NSA2: variants seen among roughly 807,000 people sequenced by gnomAD.
NSA2 encodes the protein NSA2 ribosome biogenesis factor.
In NSA2, 18 loss-of-function variants were observed where a neutral mutation model predicts 34.8. The observed-to-expected ratio is 0.52, with a 90% CI of 0.36 to 0.77. The LOEUF is 0.77. Among genes scored for constraint, NSA2 ranks in the 30% least tolerant of loss-of-function variants. NSA2 has a pLI of 0.00. For synonymous variants in NSA2, 79 were observed against 100.2 expected, an observed-to-expected ratio of 0.79 and a Z score of 1.26; for missense variants, 188 against 314.7, an observed-to-expected ratio of 0.60 and a Z score of 3.05.
chr5:74,779,429 A>G lies in NSA2; in HGVS notation c.*2758A>G, dbSNP rs569177699. 6.6e-5 allele frequency: 10 copies of G among 152,308 alleles called. No individual in the cohort carries two copies. Among genetic ancestry groups the G allele is most frequent in the African/African-American group, 2.4e-4 (10 of 41,584 alleles). 9.4% of individuals were successfully genotyped at this position (152,308 alleles called of 1,614,324 possible). A position where few individuals can be genotyped will look rare whatever the true frequency, so the allele number is the denominator to read the frequency against. ...TCCATGTTTAAAATAATTTGAAAAG[A>G]AAGTATTTTAAACAAATCCAAGTAA... On this transcript the variant is annotated 3_prime_UTR_variant, in exon 6 of 6. Coordinates refer to ENST00000610426, the MANE Select transcript of NSA2 (RefSeq NM_014886.6).
intron 5 of NSA2, 51 bp from the exon 6 acceptor site, chr5:74,776,553 T>C: frequency 2.2e-6 from 2 of 910,146 alleles, no homozygotes; most frequent in Non-Finnish European, 3.6e-6. Flanking sequence ...AAATTAATTT[T>C]TATTAGCTAA....
chr5:74,771,719 T>G (rs1407339380), intron 4 of NSA2: 1 of 150,642 alleles, frequency 6.6e-6, no homozygotes, highest in Non-Finnish European at 1.5e-5. Flanking sequence ...CCGGGCATGG[T>G]GGCGGGCGCC....
chr5:74,774,080 C>G lies in NSA2; in HGVS notation c.715+20C>G. 5 of 1,571,532 alleles carry G rather than the reference C, an allele frequency of 3.2e-6. No homozygotes were observed. Among genetic ancestry groups the G allele is most frequent in the Non-Finnish European group, 4.4e-6 (5 of 1,143,148 alleles). On this transcript the variant is annotated intron_variant, in intron 5 of 5. Coordinates refer to ENST00000610426, the MANE Select transcript of NSA2 (RefSeq NM_014886.6). The stretch of plus-strand genomic sequence containing the variant: ...TTTGGGGTAAGTGAATTTTTGAATA[C>G]AGGGCTGCTGTGTTCTGCAGTACTA...
Position 74,773,909 on chromosome 5 carries a change from G to GA in NSA2, c.567dup (p.Ala190SerfsTer32), listed in dbSNP as rs1745027111. ...AAGCCCATGTAACACATCCTGAACTGAAAGCCACCTTTTGCCTACCAATAC... is the reference window on the plus strand; with the variant it reads ...AAGCCCATGTAACACATCCTGAACTGAAAAGCCACCTTTTGCCTACCAATAC... On this transcript the variant is annotated frameshift_variant, in exon 5 of 6. Coordinates refer to ENST00000610426, the MANE Select transcript of NSA2 (RefSeq NM_014886.6). LOFTEE classifies it high-confidence loss of function. The GA allele has an allele frequency of 6.2e-7, 1 of 1,613,898 alleles. No homozygotes were observed. The highest frequency in any genetic ancestry group is 8.5e-7 in the Non-Finnish European group (1 of 1,179,826).
At chr5:74,772,340 A>G (rs1744969998) in intron 4 of NSA2, among the ~76,000 whole-genome samples, 1 of 152,010 alleles carries the variant, frequency 6.6e-6, no homozygotes, top group Admixed American at 6.6e-5. Flanking sequence ...GTTAGCCAGG[A>G]TGGTCTCGAT....
intron 5 of NSA2, among the ~76,000 whole-genome samples, 196 bp downstream of exon 5, chr5:74,774,256 A>G (rs1396834605): frequency 6.6e-6 from 1 of 152,266 alleles, no homozygotes; most frequent in Non-Finnish European, 1.5e-5. Context: ...TTTAAAATTT[A>G]GCTTACTGGT....
At position 74,769,096 on chromosome 5, in the gene NSA2, G is replaced by A. The variant is rs1008913045; in HGVS notation, c.169G>A (p.Glu57Lys). Reference protein sequence around the residue: ...AKLYHKQRHAEKIQMKKTIKM... With the variant: ...AKLYHKQRHAKKIQMKKTIKM... ...GCTTTACCATAAACAGCGTCATGCTGAGAAAATACAAATGAAAAAGACGTA... is the reference window on the plus strand; with the variant it reads ...GCTTTACCATAAACAGCGTCATGCTAAGAAAATACAAATGAAAAAGACGTA... The change falls in exon 2 of 6, where the codon GAG (glutamate) becomes AAG (lysine). Residue 57 changes from glutamate (E) to lysine (K), a missense_variant. By Grantham distance (56) the Glu-to-Lys change is moderately conservative (BLOSUM62 1). Transcript: ENST00000610426. The A allele has an allele frequency of 6.2e-7, 1 of 1,604,198 alleles. No homozygotes were observed. Among genetic ancestry groups the A allele is most frequent in the Non-Finnish European group, 8.5e-7 (1 of 1,177,792 alleles).
chr5:74,777,789 A>T lies in NSA2; in HGVS notation c.*1118A>T, dbSNP rs941605055. On this transcript the variant is annotated 3_prime_UTR_variant, in exon 6 of 6. Coordinates refer to ENST00000610426, the MANE Select transcript of NSA2 (RefSeq NM_014886.6). ...ATTACTACTTTTAAACTTAAAAAAA[A>T]ATAAAAACCAAGAAAACAAACATAG... 2.0e-5 allele frequency: 3 copies of T among 152,080 alleles called. No homozygotes were observed. Among genetic ancestry groups the T allele is most frequent in the African/African-American group, 7.2e-5 (3 of 41,464 alleles). The allele number at this position is 152,080 out of a possible 1,614,324, so 9.4% of individuals were successfully genotyped here.
At chr5:74,768,162 G>C (rs1744770694) in intron 1 of NSA2, among the ~76,000 whole-genome samples, 1 of 152,194 alleles carries the variant, frequency 6.6e-6, no homozygotes, top group Non-Finnish European at 1.5e-5. Context: ...ATGAAGACTT[G>C]CATGCAGTTG....
chr5:74,767,534 C>T (rs1431480044), intron 1 of NSA2, among the ~76,000 whole-genome samples, 171 bp downstream of exon 1: 3 of 152,236 alleles, frequency 2.0e-5, no homozygotes, highest in Non-Finnish European at 4.4e-5. Context: ...AACAACTTCA[C>T]ATTCGAGACA....
chr5:74,774,681 TAAGAA>T (rs906630309), intron 5 of NSA2, among the ~76,000 whole-genome samples: 4 of 152,016 alleles, frequency 2.6e-5, no homozygotes, highest in African/African-American at 7.2e-5. Context: ...AGAAATATTA[TAAGAA>T]AATAGAATAA....
intron 1 of NSA2, among the ~76,000 whole-genome samples, chr5:74,768,598 G>GACTTAA (rs1744799347): frequency 6.6e-6 from 1 of 152,076 alleles, no homozygotes; most frequent in Admixed American, 6.5e-5. Context: ...CAATAAAACT[G>GACTTAA]ACTTAAATTT....
chr5:74,772,448 A>T (rs1022543429), intron 4 of NSA2, among the ~76,000 whole-genome samples: 1 of 152,174 alleles, frequency 6.6e-6, no homozygotes, highest in Non-Finnish European at 1.5e-5. Flanking sequence ...AGATTAAAAT[A>T]TTGGCAAATA....
chr5:74,768,533 AACTT>A (rs2112408809), intron 1 of NSA2, among the ~76,000 whole-genome samples: 1 of 152,326 alleles, frequency 6.6e-6, no homozygotes, highest in East Asian at 1.9e-4. Flanking sequence ...AGTTAGGAAA[AACTT>A]AGAACTGTAT....
At chr5:74,775,341 C>T (rs919087433) in intron 5 of NSA2, among the ~76,000 whole-genome samples, 13 of 151,882 alleles carry the variant, frequency 8.6e-5, no homozygotes, top group Non-Finnish European at 1.0e-4. Flanking sequence ...GCTATCTGGG[C>T]GCAGTGGCTG....
intron 4 of NSA2, among the ~76,000 whole-genome samples, chr5:74,771,982 A>G (rs1744950020): frequency 6.6e-6 from 1 of 152,184 alleles, no homozygotes; most frequent in Non-Finnish European, 1.5e-5. Flanking sequence ...CCTGGGGAGA[A>G]ACATAGTTGA....
chr5:74,775,636 G>T (rs544008287), intron 5 of NSA2, among the ~76,000 whole-genome samples: 6 of 151,588 alleles, frequency 4.0e-5, no homozygotes, highest in African/African-American at 1.5e-4. Flanking sequence ...AAAATATTTT[G>T]ATCTTTTTTA....
In NSA2 at chr5:74,769,043, C is replaced by CA. The variant is rs1402466308; in HGVS notation, c.119dup (p.Lys41GlufsTer8). 2 of 1,611,994 alleles carry CA rather than the reference C, an allele frequency of 1.2e-6. No homozygotes were observed. Among genetic ancestry groups the CA allele is most frequent in the African/African-American group, 2.7e-5 (2 of 74,838 alleles). On this transcript the variant is annotated frameshift_variant, in exon 2 of 6. Coordinates refer to ENST00000610426, the MANE Select transcript of NSA2 (RefSeq NM_014886.6). LOFTEE classifies it high-confidence loss of function. ...GAGGCTCATGAACGTTCAAAGAAGG[C>CA]AAAGAAAATGATTGGTCTGAAGGCT... is the stretch of plus-strand genomic sequence containing the variant.
chr5:74,778,786 CCCTT>C lies in NSA2; in HGVS notation c.*2117_*2120del, dbSNP rs774984740. The C allele has an allele frequency of 2.0e-5, 3 of 152,030 alleles. No individual in the cohort carries two copies. Among genetic ancestry groups the C allele is most frequent in the Non-Finnish European group, 2.9e-5 (2 of 67,904 alleles). The allele number at this position is 152,030 out of a possible 1,614,324, so 9.4% of individuals were successfully genotyped here. On this transcript the variant is annotated 3_prime_UTR_variant, in exon 6 of 6. Transcript: ENST00000610426. ...CACGTATGTACATAAAAAGTGAACTCCCTTCACAAATAAGTTCACAAAGGACTAT... is the reference window on the plus strand; with the variant it reads ...CACGTATGTACATAAAAAGTGAACTCCACAAATAAGTTCACAAAGGACTAT...
Sources: allele counts gnomAD v4.1 joint callset (sites outside exome capture counted in the v4.1 genomes callset), GRCh38; gene constraint gnomAD v4.1.1; transcripts MANE v1.5; gene names NCBI Gene and HGNC (gene_info 2026-07-23, HGNC 2026-07-21).